SPEN: variants seen among roughly 807,000 people sequenced by gnomAD.
The protein encoded by SPEN is spen family transcriptional repressor.
SPEN carries 18 observed loss-of-function variants against 269.9 expected under a neutral mutation model. That is an observed-to-expected ratio of 0.07 (90% CI 0.05 to 0.10). The LOEUF (loss-of-function observed/expected upper bound fraction) is 0.10. SPEN is among the 10% of genes least tolerant of loss of function. SPEN has a pLI of 1.00. For synonymous variants in SPEN, 1,726 were observed against 1,765.7 expected, an observed-to-expected ratio of 0.98 and a Z score of 0.56; for missense variants, 3,822 against 4,631.2, an observed-to-expected ratio of 0.83 and a Z score of 5.07.
intron 3 of SPEN, among the ~76,000 whole-genome samples, chr1:15,904,479 T>TAAAAAAAA (rs1557750239): frequency 5.1e-4 from 41 of 81,106 alleles, no homozygotes; most frequent in African/African-American, 8.5e-4. Flanking sequence ...AAAAAAAAAG[T>TAAAAAAAA]GAACTAAAAA....
In SPEN at chr1:15,919,004, G is replaced by A; in HGVS notation, c.1474G>A (p.Ala492Thr). The change falls in exon 7 of 15, where the codon GCT becomes ACT. Residue 492 changes from alanine to threonine, a missense_variant. Ala to Thr is a moderately conservative substitution (Grantham distance 58, BLOSUM62 0). This residue lies in a region of SPEN where 230 missense variants were observed against 426.1 expected (regional missense o/e 0.54). Transcript: ENST00000375759. ...QYCDIASVCK[A>T]IKKMDGEYLG... ...CTGTGATATTGCTAGCGTTTGTAAAGCTATTAAGAAGATGGATGGGGAATA... is the reference window on the plus strand; with the variant it reads ...CTGTGATATTGCTAGCGTTTGTAAAACTATTAAGAAGATGGATGGGGAATA... The A allele has an allele frequency of 6.2e-7, 1 of 1,611,908 alleles. No individual in the cohort carries two copies. Among genetic ancestry groups the A allele is most frequent in the Non-Finnish European group, 8.5e-7 (1 of 1,178,834 alleles).
intron 3 of SPEN, among the ~76,000 whole-genome samples, chr1:15,894,559 T>TG (rs1251588518): frequency 2.0e-5 from 3 of 148,384 alleles, no homozygotes; most frequent in Non-Finnish European, 4.4e-5. Flanking sequence ...TTTTTTTTTT[T>TG]GAGACGGAGT....
chr1:15,928,428 C>G lies in SPEN; in HGVS notation c.2188C>G (p.His730Asp), dbSNP rs1230687257. The change falls in exon 11 of 15, where the codon CAC becomes GAC. Residue 730 changes from histidine to aspartate, a missense_variant. Around this residue, in one of 16 missense-constraint regions of SPEN, gnomAD observed 572 missense variants for 582.6 expected, o/e 0.98. Transcript: ENST00000375759. The surrounding 1 kb of genome is among the most constrained non-coding windows in gnomAD (Gnocchi z 5.7). ...RPIERSQSPV[H>D]LRRPQSPGAS... ...GATTGAACGAAGTCAAAGTCCTGTT[C>G]ACTTGCGACGTCCACAGAGTCCTGG... 2 of 1,613,944 alleles carry G rather than the reference C, an allele frequency of 1.2e-6. No homozygotes were observed. The highest frequency in any genetic ancestry group is 1.7e-6 in the Non-Finnish European group (2 of 1,180,014).
chr1:15,930,125 C>G lies in SPEN; in HGVS notation c.3885C>G (p.Leu1295=). 6.2e-7 allele frequency: 1 copy of G among 1,614,186 alleles called. No homozygotes were observed. Among genetic ancestry groups the G allele is most frequent in the Non-Finnish European group, 8.5e-7 (1 of 1,180,040 alleles). ...KGSPKVDEKV[L]PYSNITVREE... is the part of the protein sequence containing the mutation. ...CTCCTAAAGTAGATGAAAAAGTCCTCCCCTATTCTAACATAACAGTCAGGG... is the reference window on the plus strand; with the variant it reads ...CTCCTAAAGTAGATGAAAAAGTCCTGCCCTATTCTAACATAACAGTCAGGG... Residue 1295 remains leucine (L), a synonymous_variant, in exon 11 of 15, where the codon CTC becomes CTG. Transcript: ENST00000375759. This position sits in a 1 kb window ranked among gnomAD's most constrained non-coding sequence, Gnocchi z 5.3.
chr1:15,934,206 G>A lies in SPEN; in HGVS notation c.7966G>A (p.Gly2656Ser). 1 of 1,614,210 alleles carries A rather than the reference G, an allele frequency of 6.2e-7. No homozygotes were observed. Among genetic ancestry groups the A allele is most frequent in the Non-Finnish European group, 8.5e-7 (1 of 1,180,032 alleles). Residue 2656 changes from glycine (G) to serine (S), a missense_variant, in exon 11 of 15, where the codon GGC (glycine) becomes AGC (serine). Gly to Ser is a moderately conservative substitution (Grantham distance 56, BLOSUM62 0). Coordinates refer to ENST00000375759, the MANE Select transcript of SPEN (RefSeq NM_015001.3). This position sits in a 1 kb window ranked among gnomAD's most constrained non-coding sequence, Gnocchi z 9.2. ...CACTGGTCTGGTGAGCGCACTCACT[G>A]GCCTGGTGAACGTCTCCCTGGTCCC... ...TLTGLVSALT[G>S]LVNVSLVPVN...
At chr1:15,853,531 T>C (rs2070356588) in intron 1 of SPEN, among the ~76,000 whole-genome samples, 1 of 151,934 alleles carries the variant, frequency 6.6e-6, no homozygotes, top group African/African-American at 2.4e-5. Flanking sequence ...TCTTGCTCTG[T>C]CACCCAGGCT....
At chr1:15,909,512 G>T (rs760897096) in intron 4 of SPEN, 31 bp downstream of exon 4, 79 of 1,603,260 alleles carry the variant, frequency 4.9e-5, no homozygotes, top group Non-Finnish European at 6.5e-5. Flanking sequence ...CCTTTCCTCT[G>T]TGCTACTACT....
At chr1:15,903,968 A>G (rs1490654933) in intron 3 of SPEN, among the ~76,000 whole-genome samples, 1 of 152,160 alleles carries the variant, frequency 6.6e-6, no homozygotes, top group Non-Finnish European at 1.5e-5. Flanking sequence ...TGAATACTAT[A>G]TCATGCATTT....
At position 15,876,598 on chromosome 1, in the gene SPEN, G is replaced by C; in HGVS notation, c.801G>C (p.Arg267Ser). 1 of 1,613,934 alleles carries C rather than the reference G, an allele frequency of 6.2e-7. No individual in the cohort carries two copies. The highest frequency in any genetic ancestry group is 2.2e-5 in the East Asian group (1 of 44,872). ...CTAGCCAAGCATCTAGACCCACAAGGTCCCCTAGCGGCAGCGGCTCTAGAA... is the reference window on the plus strand; with the variant it reads ...CTAGCCAAGCATCTAGACCCACAAGCTCCCCTAGCGGCAGCGGCTCTAGAA... ...RLASQASRPT[R>S]SPSGSGSRSR... is the part of the protein sequence containing the mutation. Residue 267 changes from arginine (R) to serine (S), a missense_variant, in exon 3 of 15, where the codon AGG (arginine) becomes AGC (serine). This residue lies in a region of SPEN where 327 missense variants were observed against 350.8 expected (regional missense o/e 0.93). Coordinates refer to ENST00000375759, the MANE Select transcript of SPEN (RefSeq NM_015001.3).
chr1:15,889,690 A>G (rs531921181), intron 3 of SPEN, among the ~76,000 whole-genome samples: 2 of 152,246 alleles, frequency 1.3e-5, no homozygotes, highest in South Asian at 4.1e-4. Context: ...GCTAGAAATT[A>G]TGATATCTCT....
intron 1 of SPEN, among the ~76,000 whole-genome samples, chr1:15,849,242 T>G (rs2070308934): frequency 6.6e-6 from 1 of 152,214 alleles, no homozygotes; most frequent in African/African-American, 2.4e-5. Context: ...CTGGAAGGTT[T>G]TAAGTTTGGC....
chr1:15,903,526 C>A (rs1344214789), intron 3 of SPEN, among the ~76,000 whole-genome samples: 1 of 152,088 alleles, frequency 6.6e-6, no homozygotes, highest in African/African-American at 2.4e-5. Flanking sequence ...GAGCTGGGAC[C>A]ACAGGCGCAT....
At chr1:15,864,199 C>T (rs2070475233) in intron 1 of SPEN, among the ~76,000 whole-genome samples, 1 of 149,490 alleles carries the variant, frequency 6.7e-6, no homozygotes. Context: ...AACAATGTCT[C>T]ACTCTGTTGC....
chr1:15,931,078 C>G lies in SPEN; in HGVS notation c.4838C>G (p.Thr1613Arg). 1 of 1,613,938 alleles carries G rather than the reference C, an allele frequency of 6.2e-7. No homozygotes were observed. Among genetic ancestry groups the G allele is most frequent in the African/African-American group, 1.3e-5 (1 of 75,002 alleles). The change falls in exon 11 of 15, where the codon ACA (threonine) becomes AGA (arginine). Residue 1613 changes from threonine (T) to arginine (R), a missense_variant. Thr to Arg is a moderately conservative substitution (Grantham distance 71). Transcript: ENST00000375759. This position sits in a 1 kb window ranked among gnomAD's most constrained non-coding sequence, Gnocchi z 4.8. ...KPKEVEKQED[T>R]ENHPKTPESA... ...AAAGAGGTTGAGAAACAGGAAGATACAGAGAATCATCCCAAGACCCCAGAA... is the reference window on the plus strand; with the variant it reads ...AAAGAGGTTGAGAAACAGGAAGATAGAGAGAATCATCCCAAGACCCCAGAA...
At chr1:15,881,949 G>A (rs889512284) in intron 3 of SPEN, among the ~76,000 whole-genome samples, 1 of 152,190 alleles carries the variant, frequency 6.6e-6, no homozygotes, top group Non-Finnish European at 1.5e-5. Flanking sequence ...ATGGAAACAA[G>A]TTTGTCTTCT....
At position 15,934,101 on chromosome 1, in the gene SPEN, G is replaced by C. The variant is rs1386992072; in HGVS notation, c.7861G>C (p.Val2621Leu). The change falls in exon 11 of 15, where the codon GTT (valine) becomes CTT (leucine). Residue 2621 changes from valine (V) to leucine (L), a missense_variant. Around this residue, in one of 16 missense-constraint regions of SPEN, gnomAD observed 329 missense variants for 431.2 expected, o/e 0.76. Transcript: ENST00000375759. This position sits in a 1 kb window ranked among gnomAD's most constrained non-coding sequence, Gnocchi z 9.2. ...APVIAPKITS[V>L]ISRMPVSIDL... ...AGTCATTGCTCCCAAAATTACCTCTGTTATTAGCCGGATGCCTGTCAGCAT... is the reference window on the plus strand; with the variant it reads ...AGTCATTGCTCCCAAAATTACCTCTCTTATTAGCCGGATGCCTGTCAGCAT... 3 of 1,613,256 alleles carry C rather than the reference G, an allele frequency of 1.9e-6. No homozygotes were observed. Among genetic ancestry groups the C allele is most frequent in the Non-Finnish European group, 2.5e-6 (3 of 1,179,444 alleles).
chr1:15,876,426 C>T lies in SPEN; in HGVS notation c.629C>T (p.Thr210Ile). ...GAACCTAGGGCTCGCGAGCAGTTTA[C>T]ACTGCCCAGTGTGGTACACAGGGAT... The part of the protein sequence containing the change: ...RYEPRAREQF[T>I]LPSVVHRDIY... The change falls in exon 3 of 15, where the codon ACA (threonine) becomes ATA (isoleucine). Residue 210 changes from threonine (T) to isoleucine (I), a missense_variant. Physicochemically the swap from Thr to Ile is moderately conservative, Grantham distance 89. Around this residue, in one of 16 missense-constraint regions of SPEN, gnomAD observed 327 missense variants for 350.8 expected, o/e 0.93. Transcript: ENST00000375759. 1.2e-6 allele frequency: 2 copies of T among 1,614,134 alleles called. No homozygotes were observed. The highest frequency in any genetic ancestry group is 1.7e-6 in the Non-Finnish European group (2 of 1,180,018).
intron 3 of SPEN, among the ~76,000 whole-genome samples, chr1:15,905,131 A>G (rs992054893): frequency 1.3e-5 from 2 of 151,782 alleles, no homozygotes; most frequent in African/African-American, 4.8e-5. Flanking sequence ...CAGGTAATCT[A>G]CCTGCTTCAG....
Position 15,934,349 on chromosome 1 carries a change from A to G in SPEN, c.8109A>G (p.Pro2703=). 1 of 1,613,640 alleles carries G rather than the reference A, an allele frequency of 6.2e-7. No individual in the cohort carries two copies. The highest frequency in any genetic ancestry group is 8.5e-7 in the Non-Finnish European group (1 of 1,180,038). The change falls in exon 11 of 15, where the codon CCA becomes CCG. Residue 2703 remains proline, a synonymous_variant. Transcript: ENST00000375759. This position sits in a 1 kb window ranked among gnomAD's most constrained non-coding sequence, Gnocchi z 9.2. ...GGCCTGTGAATGTTCTTACGGGGCC[A>G]GTGAATGTTCTCACCACTCCAGTGA... ...LKGPVNVLTG[P]VNVLTTPVNA...
Sources: gnomAD v4.1 joint callset for allele counts (sites outside exome capture counted in the v4.1 genomes callset) on GRCh38, gnomAD v4.1.1 for gene constraint, gnomAD v4.1.1 regional missense constraint, Gnocchi (gnomAD v3.1) non-coding constraint, MANE v1.5 for transcripts, NCBI Gene and HGNC (gene_info 2026-07-23, HGNC 2026-07-21) for gene names.